Variants in BLTP1 observed in about 807,000 individuals in gnomAD.
The protein encoded by BLTP1 is fragile site-associated protein.
At chr4:122,271,792 C>CA in the BLTP1 span, 1 of 1,038,852 alleles carries the variant, frequency 9.6e-7, no homozygotes, top group Non-Finnish European at 1.4e-6. Context: ...AAGCAGAAGA[C>CA]TGTTCATCAT....
chr4:122,207,727 C>G, the BLTP1 span: 2 of 1,109,688 alleles, frequency 1.8e-6, no homozygotes, highest in Non-Finnish European at 2.5e-6. Context: ...TCTCCCCAGT[C>G]CATTGCAACT....
At chr4:122,302,214 G>A in the BLTP1 span, 177 of 940,992 alleles carry the variant, frequency 1.9e-4, no homozygotes, top group Non-Finnish European at 2.2e-4. Context: ...ATATCAAAAT[G>A]AAACATAATG....
the BLTP1 span, among the ~76,000 whole-genome samples, chr4:122,352,500 C>T: frequency 6.6e-6 from 1 of 151,824 alleles, no homozygotes; most frequent in Non-Finnish European, 1.5e-5. Context: ...GCTGGGACTA[C>T]AGGCGTGCTC....
chr4:122,158,926 G>A, the BLTP1 span, among the ~76,000 whole-genome samples: 2 of 152,182 alleles, frequency 1.3e-5, no homozygotes, highest in Non-Finnish European at 2.9e-5. Flanking sequence ...ATATAAGCAT[G>A]AAGAACCATT....
the BLTP1 span, among the ~76,000 whole-genome samples, chr4:122,357,714 ATATT>A: frequency 1.3e-5 from 2 of 152,226 alleles, no homozygotes; most frequent in African/African-American, 4.8e-5. Context: ...TATTCATTCA[ATATT>A]TATTGCACCG....
chr4:122,306,460 C>A, the BLTP1 span: 1 of 613,594 alleles, frequency 1.6e-6, no homozygotes, highest in Non-Finnish European at 2.0e-6. Flanking sequence ...GAAAAGAAAA[C>A]AAAGTAGACT....
the BLTP1 span, among the ~76,000 whole-genome samples, chr4:122,319,990 A>G: frequency 1.3e-5 from 2 of 152,150 alleles, no homozygotes; most frequent in Non-Finnish European, 2.9e-5. Flanking sequence ...TATCCAATTG[A>G]CTGATGATAT....
the BLTP1 span, among the ~76,000 whole-genome samples, chr4:122,166,429 C>G: frequency 6.6e-6 from 1 of 152,100 alleles, no homozygotes; most frequent in South Asian, 2.1e-4. Context: ...TTCCATTGGT[C>G]TATATCTCTG....
chr4:122,257,435 A>G, the BLTP1 span: 1 of 1,613,936 alleles, frequency 6.2e-7, no homozygotes, highest in Non-Finnish European at 8.5e-7. Flanking sequence ...TGGATTGGAC[A>G]ATGGGGGTGG....
chr4:122,306,466 A>G, the BLTP1 span: 1 of 623,890 alleles, frequency 1.6e-6, no homozygotes, highest in Non-Finnish European at 2.0e-6. Context: ...AAAACAAAGT[A>G]GACTACACAG....
At chr4:122,309,854 C>T in the BLTP1 span, among the ~76,000 whole-genome samples, 1 of 151,950 alleles carries the variant, frequency 6.6e-6, no homozygotes, top group Admixed American at 6.6e-5. Context: ...GAACGCCAGC[C>T]TTAATTAATA....
At chr4:122,255,286 A>G in the BLTP1 span, 1 of 1,578,090 alleles carries the variant, frequency 6.3e-7, no homozygotes, top group Non-Finnish European at 8.7e-7. Context: ...CTACAATGGT[A>G]AGTTACTGAA....
chr4:122,246,272 C>T, the BLTP1 span: 1 of 1,596,514 alleles, frequency 6.3e-7, no homozygotes, highest in African/African-American at 1.3e-5. Context: ...AATTAAAGGT[C>T]TTCAGACTAA....
chr4:122,182,759 T>C, the BLTP1 span: 1 of 985,358 alleles, frequency 1.0e-6, no homozygotes, highest in Non-Finnish European at 1.2e-6. Context: ...CCCTTTCTCC[T>C]TTAATTGTAA....
At chr4:122,236,747 C>A in the BLTP1 span, 1 of 946,384 alleles carries the variant, frequency 1.1e-6, no homozygotes, top group Non-Finnish European at 1.3e-6. Flanking sequence ...AATTCTCTTT[C>A]TAACATTGAA....
the BLTP1 span, chr4:122,209,923 A>C: frequency 6.2e-7 from 1 of 1,612,244 alleles, no homozygotes; most frequent in African/African-American, 1.3e-5. Flanking sequence ...TGAAACAATC[A>C]TGTAAGTGTT....
the BLTP1 span, chr4:122,170,042 C>A: frequency 1.0e-6 from 1 of 966,930 alleles, no homozygotes; most frequent in African/African-American, 1.8e-5. Context: ...CGCGGTGGCT[C>A]ACGCATGTAA....
chr4:122,247,720 C>T, the BLTP1 span: 1 of 1,028,836 alleles, frequency 9.7e-7, no homozygotes. Context: ...GTTTGTAAAA[C>T]AGTGTTAGAA....
At chr4:122,295,456 A>C in the BLTP1 span, among the ~76,000 whole-genome samples, 1 of 152,262 alleles carries the variant, frequency 6.6e-6, no homozygotes, top group African/African-American at 2.4e-5. Flanking sequence ...GGGGGCCAAT[A>C]TTCAACATCC....
Sources: gnomAD v4.1 joint callset for allele counts (sites outside exome capture counted in the v4.1 genomes callset) on GRCh38, gnomAD v4.1.1 for gene constraint, MANE v1.5 for transcripts, NCBI Gene and HGNC (gene_info 2026-07-23, HGNC 2026-07-21) for gene names.